Variants in KCNN3 observed in about 807,000 individuals in gnomAD.
The protein encoded by KCNN3 is potassium calcium-activated channel subfamily N member 3.
A neutral mutation model predicts 62.9 loss-of-function variants in KCNN3; 16 were observed. The observed-to-expected ratio is 0.25, with a 90% confidence interval of 0.17 to 0.39. KCNN3 has a LOEUF of 0.39. Among genes scored for constraint, KCNN3 ranks in the 10% least tolerant of loss-of-function variants. The pLI is 1.00. For missense variants in KCNN3, 599 were observed against 949.4 expected, an observed-to-expected ratio of 0.63 and a Z score of 4.85; for synonymous variants, 370 against 389.2, an observed-to-expected ratio of 0.95 and a Z score of 0.58.
chr1:154,826,372 A>G (rs1041211553), intron 1 of KCNN3, among the ~76,000 whole-genome samples: 3 of 152,234 alleles, frequency 2.0e-5, no homozygotes, highest in African/African-American at 7.2e-5. Context: ...AAGCACATCT[A>G]TAGGGGCCTA....
At chr1:154,861,949 C>A (rs1240077567) in intron 1 of KCNN3, among the ~76,000 whole-genome samples, 1 of 152,170 alleles carries the variant, frequency 6.6e-6, no homozygotes, top group Non-Finnish European at 1.5e-5. Flanking sequence ...TCCTGAGGGG[C>A]TCAAAGCAGA....
intron 1 of KCNN3, among the ~76,000 whole-genome samples, chr1:154,846,909 C>T (rs942078940): frequency 4.6e-5 from 7 of 152,156 alleles, no homozygotes; most frequent in Non-Finnish European, 7.4e-5. Context: ...GGCATTAGAG[C>T]GGCCCCCAAG....
intron 2 of KCNN3, among the ~76,000 whole-genome samples, chr1:154,781,029 G>C (rs12133662): frequency 0.24 from 37,171 of 152,098 alleles, 5,383 homozygotes; most frequent in Middle Eastern, 0.33. Context: ...GGCCATGTGT[G>C]ATGTCCCACA....
intron 4 of KCNN3, among the ~76,000 whole-genome samples, chr1:154,731,012 G>C (rs773889009): frequency 1.3e-5 from 2 of 152,192 alleles, no homozygotes; most frequent in Non-Finnish European, 2.9e-5. Context: ...GGTCTTTGGG[G>C]TGCTGCTTCT....
intron 2 of KCNN3, among the ~76,000 whole-genome samples, chr1:154,819,519 C>T (rs1218600): frequency 2.0e-5 from 3 of 152,078 alleles, no homozygotes; most frequent in Non-Finnish European, 4.4e-5. Flanking sequence ...TGGCCCAGTG[C>T]GGTATATACA....
intron 2 of KCNN3, among the ~76,000 whole-genome samples, chr1:154,782,506 C>T (rs1392671500): frequency 1.3e-5 from 2 of 152,208 alleles, no homozygotes; most frequent in African/African-American, 4.8e-5. Context: ...CCTAGAGCTG[C>T]AGTCCTATAG....
rs181581793 is a variant in KCNN3 at position 154,755,016 on chromosome 1, C to T, written c.1448+16959G>A. On this transcript the variant is annotated intron_variant, in intron 3 of 7. Transcript: ENST00000271915. ...AGGGATGTATTCAAGAACTCTACAC[C>T]GCCACCACCGCCCTTCTAAGTCACT... Among the ~76,000 whole-genome samples, 151 of 152,200 alleles carry T rather than the reference C, an allele frequency of 9.9e-4. 1 individual carries two copies. The highest frequency in any genetic ancestry group is 2.7e-3 in the African/African-American group (113 of 41,548).
intron 1 of KCNN3, among the ~76,000 whole-genome samples, chr1:154,844,186 C>CA (rs1411340093): frequency 6.6e-6 from 1 of 152,242 alleles, no homozygotes; most frequent in Non-Finnish European, 1.5e-5. Context: ...CTCCATTATG[C>CA]AAATCAAGTG....
At chr1:154,852,120 T>A (rs995794056) in intron 1 of KCNN3, among the ~76,000 whole-genome samples, 1 of 152,252 alleles carries the variant, frequency 6.6e-6, no homozygotes, top group Non-Finnish European at 1.5e-5. Flanking sequence ...TAAGTCCATT[T>A]CATTTAAAAT....
chr1:154,709,463 A>T (rs1700030205), intron 7 of KCNN3, among the ~76,000 whole-genome samples: 1 of 152,136 alleles, frequency 6.6e-6, no homozygotes, highest in Non-Finnish European at 1.5e-5. Context: ...TATGGACATG[A>T]TTTATGCCCC....
chr1:154,796,521 T>C (rs886388761), intron 2 of KCNN3, among the ~76,000 whole-genome samples: 5 of 152,180 alleles, frequency 3.3e-5, no homozygotes, highest in Non-Finnish European at 5.9e-5. Flanking sequence ...TCATTTTTTA[T>C]TGGGTAAAAA....
intron 2 of KCNN3, among the ~76,000 whole-genome samples, chr1:154,798,206 A>G (rs1246341899): frequency 1.3e-5 from 2 of 152,218 alleles, no homozygotes; most frequent in Non-Finnish European, 2.9e-5. Flanking sequence ...TCACCAAGAC[A>G]CATCTGTTAG....
chr1:154,814,373 C>T (rs921532089), intron 2 of KCNN3, among the ~76,000 whole-genome samples: 1 of 152,246 alleles, frequency 6.6e-6, no homozygotes, highest in Admixed American at 6.5e-5. Context: ...ACAGTCCCCA[C>T]TGCCATGGAG....
chr1:154,848,838 C>T (rs957620564), intron 1 of KCNN3, among the ~76,000 whole-genome samples: 2 of 152,326 alleles, frequency 1.3e-5, no homozygotes, highest in East Asian at 3.9e-4. Flanking sequence ...GCCTCTCTAC[C>T]GCACTTAGCA....
intron 2 of KCNN3, among the ~76,000 whole-genome samples, chr1:154,820,581 ACTGTCAACTT>A (rs1462212554): frequency 2.6e-5 from 4 of 152,136 alleles, no homozygotes; most frequent in African/African-American, 9.7e-5. Context: ...CGGAGCCCAG[ACTGTCAACTT>A]CTGTCCTGTC....
rs1302450276 is a variant in KCNN3 at position 154,809,654 on chromosome 1, G to A, written c.1029+12435C>T. On this transcript the variant is annotated intron_variant, in intron 2 of 7. Transcript: ENST00000271915. This position sits in a 1 kb window ranked among gnomAD's most constrained non-coding sequence, Gnocchi z 4.3. ...GGCCCCCAAATACATGTTGCTGAGT[G>A]AGATGCTAAAAGGCCTGGACAGACT... Among the ~76,000 whole-genome samples, 2 of 152,206 alleles carry A rather than the reference G, an allele frequency of 1.3e-5. No individual in the cohort carries two copies. The highest frequency in any genetic ancestry group is 2.9e-5 in the Non-Finnish European group (2 of 68,046).
At chr1:154,714,439 G>GT (rs200111273) in intron 6 of KCNN3, among the ~76,000 whole-genome samples, 3,875 of 38,104 alleles carry the variant, frequency 0.1, no homozygotes, top group Admixed American at 0.12. Context: ...GGTGTGTGGG[G>GT]GGTGTGTGTG....
chr1:154,746,647 C>G (rs1036970074), intron 3 of KCNN3, among the ~76,000 whole-genome samples: 1 of 152,096 alleles, frequency 6.6e-6, no homozygotes, highest in Non-Finnish European at 1.5e-5. Flanking sequence ...CATCTCTCCT[C>G]TCTTGTTTTC....
intron 1 of KCNN3, among the ~76,000 whole-genome samples, chr1:154,864,132 C>T (rs766811237): frequency 6.6e-6 from 1 of 152,302 alleles, no homozygotes; most frequent in Non-Finnish European, 1.5e-5. Context: ...GCAGTGGGCT[C>T]GCAGGCTCTC....
Sources: gnomAD v4.1 joint callset for allele counts (sites outside exome capture counted in the v4.1 genomes callset) on GRCh38, gnomAD v4.1.1 for gene constraint, Gnocchi (gnomAD v3.1) non-coding constraint, MANE v1.5 for transcripts, NCBI Gene and HGNC (gene_info 2026-07-23, HGNC 2026-07-21) for gene names.